Variants in ARNT2 observed in about 807,000 individuals in gnomAD.
ARNT2 encodes ARNT protein 2.
In ARNT2, 36 loss-of-function variants were observed where a neutral mutation model predicts 91.7. That is an observed-to-expected ratio of 0.39 (90% confidence interval 0.30 to 0.52). ARNT2 has a LOEUF of 0.52. Among genes scored for constraint, ARNT2 ranks in the 20% least tolerant of loss-of-function variants. The probability of loss-of-function intolerance (pLI) is 0.72; values close to 1 mark genes in which losing one functional copy is unlikely to be tolerated. For missense variants in ARNT2, 775 were observed against 939.3 expected (o/e 0.83, Z 2.29); for synonymous variants, 365 against 347.1 (o/e 1.05, Z -0.57).
At chr15:80,585,996 G>A (rs768741250) in intron 17 of ARNT2, among the ~76,000 whole-genome samples, 1 of 152,186 alleles carries the variant, frequency 6.6e-6, no homozygotes. Context: ...GGCAAAGAAG[G>A]ATGGATTTAG....
rs1284637637 is a variant in ARNT2 at position 80,470,364 on chromosome 15, A to G, written c.341A>G (p.Lys114Arg). ...TILRMAVSHM[K>R]SMRGTGNKST... ...CTCCGCATGGCCGTCTCGCACATGA[A>G]GTCCATGAGGGGTACAGGGAACAAG... The change falls in exon 4 of 19, where the codon AAG becomes AGG. Residue 114 changes from lysine to arginine, a missense_variant. Lys to Arg is a conservative substitution (Grantham distance 26). This residue lies in a region of ARNT2 where 83 missense variants were observed against 149.4 expected (regional missense o/e 0.56). Transcript: ENST00000303329. 4 of 1,614,084 alleles carry G rather than the reference A, an allele frequency of 2.5e-6. No homozygotes were observed. Among genetic ancestry groups the G allele is most frequent in the East Asian group, 2.2e-5 (1 of 44,888 alleles).
chr15:80,424,197 A>C (rs529740770), intron 1 of ARNT2, among the ~76,000 whole-genome samples: 132 of 152,336 alleles, frequency 8.7e-4, no homozygotes, highest in African/African-American at 3.0e-3. Flanking sequence ...TCATGGGGTC[A>C]GACTTACCTG....
chr15:80,519,026 A>C (rs143105305), intron 8 of ARNT2, among the ~76,000 whole-genome samples: 4 of 152,290 alleles, frequency 2.6e-5, no homozygotes, highest in African/African-American at 4.8e-5. Flanking sequence ...ACATTTTAAA[A>C]CACATTAATA....
intron 8 of ARNT2, among the ~76,000 whole-genome samples, chr15:80,526,800 C>A (rs1034303071): frequency 1.3e-5 from 2 of 152,224 alleles, no homozygotes; most frequent in Middle Eastern, 3.2e-3. Flanking sequence ...TGTCACTTCA[C>A]CAGACAGCTC....
chr15:80,577,280 C>T (rs1277995116), intron 15 of ARNT2, among the ~76,000 whole-genome samples: 1 of 152,218 alleles, frequency 6.6e-6, no homozygotes, highest in African/African-American at 2.4e-5. Context: ...GAGCTGGGAA[C>T]AGCTGACAAG....
intron 11 of ARNT2, among the ~76,000 whole-genome samples, chr15:80,561,847 G>A (rs1201147413): frequency 5.3e-5 from 8 of 152,198 alleles, no homozygotes; most frequent in Admixed American, 5.2e-4. Context: ...CAAAGTGCAA[G>A]AATAGTGATG....
At chr15:80,486,678 A>G (rs1342433384) in intron 5 of ARNT2, among the ~76,000 whole-genome samples, 1 of 152,190 alleles carries the variant, frequency 6.6e-6, no homozygotes, top group African/African-American at 2.4e-5. Flanking sequence ...CCACAAGCCT[A>G]TTTTTGTAGA....
At chr15:80,570,943 G>T (rs2141473955) in intron 12 of ARNT2, among the ~76,000 whole-genome samples, 1 of 152,258 alleles carries the variant, frequency 6.6e-6, no homozygotes, top group African/African-American at 2.4e-5. Flanking sequence ...TCCCTTCAAG[G>T]AGGCCTTCCC....
At chr15:80,448,389 G>A (rs927715346) in intron 1 of ARNT2, among the ~76,000 whole-genome samples, 8 of 152,196 alleles carry the variant, frequency 5.3e-5, no homozygotes, top group Non-Finnish European at 1.0e-4. Flanking sequence ...TCACTTGTGG[G>A]CACCCACGCA....
At chr15:80,483,272 A>G (rs1407664397) in intron 5 of ARNT2, among the ~76,000 whole-genome samples, 2 of 151,490 alleles carry the variant, frequency 1.3e-5, no homozygotes, top group Admixed American at 1.3e-4. Flanking sequence ...TTAGTTTGAG[A>G]ACTGCTGAAC....
intron 1 of ARNT2, among the ~76,000 whole-genome samples, chr15:80,418,841 T>C (rs1895822377): frequency 6.6e-6 from 1 of 152,214 alleles, no homozygotes; most frequent in Non-Finnish European, 1.5e-5. Context: ...AGTTAGGACA[T>C]GTGCCCCTTT....
rs550090717 is a variant in ARNT2, at chr15:80,582,752, A to G, written c.1918+1348A>G. ...TCACTGGAACCCAGTTTAGAAGCAC[A>G]GCACCCTGTCTGAGGAAGGAGAAAC... is the stretch of plus-strand genomic sequence containing the variant. On this transcript the variant is annotated intron_variant, in intron 17 of 18. Transcript: ENST00000303329. 2.0e-5 allele frequency among the ~76,000 whole-genome samples: 3 copies of G among 152,330 alleles called. No homozygotes were observed. The East Asian group carries it at 5.8e-4, about 29-fold the overall frequency.
intron 1 of ARNT2, among the ~76,000 whole-genome samples, chr15:80,445,369 G>A (rs1216535729): frequency 6.7e-6 from 1 of 149,050 alleles, no homozygotes; most frequent in Non-Finnish European, 1.5e-5. Context: ...TGGTGTATGT[G>A]GAGTGTGTAG....
chr15:80,515,870 C>CTTTT (rs984547948), intron 8 of ARNT2, among the ~76,000 whole-genome samples: 3 of 129,950 alleles, frequency 2.3e-5, no homozygotes, highest in South Asian at 2.5e-4. Context: ...ATGAAGTATT[C>CTTTT]TTTTTTTTTT....
intron 8 of ARNT2, among the ~76,000 whole-genome samples, chr15:80,519,671 G>T (rs532758995): frequency 6.6e-6 from 1 of 151,376 alleles, no homozygotes; most frequent in Non-Finnish European, 1.5e-5. Context: ...ACAAATTGTG[G>T]GGAGGTATGT....
intron 5 of ARNT2, among the ~76,000 whole-genome samples, chr15:80,501,500 A>G (rs888991620): frequency 7.9e-5 from 12 of 152,226 alleles, no homozygotes; most frequent in African/African-American, 2.2e-4. Flanking sequence ...TAAAACGACC[A>G]TGTTAGTTTT....
intron 5 of ARNT2, among the ~76,000 whole-genome samples, chr15:80,505,985 G>A (rs1311882033): frequency 4.2e-5 from 6 of 144,378 alleles, no homozygotes; most frequent in East Asian, 2.0e-4. Context: ...GCCGTACTGC[G>A]GACCGCAGTG....
chr15:80,577,581 G>C (rs542341909), intron 15 of ARNT2, among the ~76,000 whole-genome samples: 1 of 152,334 alleles, frequency 6.6e-6, no homozygotes, highest in Admixed American at 6.5e-5. Flanking sequence ...CTCTTGGGGA[G>C]GGTATGTGGG....
At chr15:80,470,024 C>T (rs1896710980) in intron 3 of ARNT2, among the ~76,000 whole-genome samples, 194 bp from the exon 4 acceptor site, 1 of 152,174 alleles carries the variant, frequency 6.6e-6, no homozygotes, top group African/African-American at 2.4e-5. Flanking sequence ...GTGCTTCCAA[C>T]ACATAGATGT....
Sources: allele counts gnomAD v4.1 joint callset (sites outside exome capture counted in the v4.1 genomes callset), GRCh38; gene constraint gnomAD v4.1.1; regional missense constraint gnomAD v4.1.1; transcripts MANE v1.5; gene names NCBI Gene and HGNC (gene_info 2026-07-23, HGNC 2026-07-21).